TEX14: variants seen among roughly 807,000 people sequenced by gnomAD.
The protein encoded by TEX14 is testis expressed 14, intercellular bridge forming factor, also known as inactive serine/threonine-protein kinase TEX14.
In TEX14, 168 loss-of-function variants were observed where a neutral mutation model predicts 178.6. The observed-to-expected ratio is 0.94, with a 90% CI of 0.83 to 1.07. The LOEUF is 1.07. Ranked by LOEUF, TEX14 falls within the 50% of genes least tolerant of loss-of-function variation. The pLI, the probability that TEX14 is intolerant of heterozygous loss-of-function variation, is 0.00. For missense variants in TEX14, 1,730 were observed against 1,753.6 expected (o/e 0.99, Z 0.24); for synonymous variants, 626 against 634.1 (o/e 0.99, Z 0.19).
chr17:58,592,784 C>T (rs2045186843), intron 15 of TEX14, among the ~76,000 whole-genome samples: 1 of 152,136 alleles, frequency 6.6e-6, no homozygotes, highest in South Asian at 2.1e-4. Flanking sequence ...AGTGATCCGC[C>T]CACCTTGGCC....
chr17:58,682,663 C>G (rs2047520155), intron 1 of TEX14, among the ~76,000 whole-genome samples: 1 of 152,188 alleles, frequency 6.6e-6, no homozygotes, highest in African/African-American at 2.4e-5. Context: ...CGTGAGCCAC[C>G]ATGCCCGGCT....
chr17:58,639,947 A>G (rs2046535142), intron 2 of TEX14, among the ~76,000 whole-genome samples: 1 of 152,156 alleles, frequency 6.6e-6, no homozygotes, highest in African/African-American at 2.4e-5. Context: ...AATTTTTAAG[A>G]TAAAGATGTT....
intron 2 of TEX14, among the ~76,000 whole-genome samples, chr17:58,635,683 G>A (rs1323367889): frequency 6.6e-6 from 1 of 151,924 alleles, no homozygotes; most frequent in Non-Finnish European, 1.5e-5. Context: ...ACCTGCCTCG[G>A]CCTCCAAAAG....
At chr17:58,664,901 G>A (rs2143411342) in intron 1 of TEX14, among the ~76,000 whole-genome samples, 1 of 152,296 alleles carries the variant, frequency 6.6e-6, no homozygotes, top group East Asian at 1.9e-4. Context: ...CCTGGGTTCA[G>A]TGGCACTGAG....
intron 3 of TEX14, among the ~76,000 whole-genome samples, chr17:58,627,913 CTTT>C (rs1172697593): frequency 1.3e-5 from 1 of 75,688 alleles, no homozygotes; most frequent in Admixed American, 1.7e-4. Flanking sequence ...CCCATGCCAC[CTTT>C]TTTTTTTTTT....
At position 58,557,863 on chromosome 17, in the gene TEX14, T is replaced by C. The variant is rs748152856; in HGVS notation, c.4268-13A>G. The stretch of plus-strand genomic sequence containing the variant: ...GATTTTAGTTCATCTTGATGAAATA[T>C]AAGAGGAAGGAAAAAACAACATGAT... On this transcript the variant is annotated splice_polypyrimidine_tract_variant and intron_variant, in intron 30 of 31. Coordinates refer to ENST00000349033, the MANE Select transcript of TEX14 (RefSeq NM_031272.5). The C allele has an allele frequency of 3.1e-6, 5 of 1,607,154 alleles. No individual in the cohort carries two copies. Among genetic ancestry groups the C allele is most frequent in the South Asian group, 1.1e-5 (1 of 90,274 alleles).
chr17:58,611,200 C>T lies in TEX14; in HGVS notation c.1145G>A (p.Gly382Asp). 6.2e-7 allele frequency: 1 copy of T among 1,614,090 alleles called. No homozygotes were observed. The highest frequency in any genetic ancestry group is 8.5e-7 in the Non-Finnish European group (1 of 1,179,976). The change falls in exon 10 of 32, where the codon GGT becomes GAT. Residue 382 changes from glycine to aspartate, a missense_variant. Gly to Asp is a moderately conservative substitution (Grantham distance 94). This residue lies in a region of TEX14 where 789 missense variants were observed against 681.2 expected (regional missense o/e 1.16). Coordinates refer to ENST00000349033, the MANE Select transcript of TEX14 (RefSeq NM_031272.5). ...SSYAVHIISP[G>D]EARLTNLEYM... ...CTCCAGGTTGGTCAGCCTCGCTTCA[C>T]CTGGGGAGATGATATGGACAGCATA...
intron 1 of TEX14, among the ~76,000 whole-genome samples, chr17:58,659,077 C>G (rs1033944742): frequency 1.8e-5 from 2 of 113,106 alleles, no homozygotes; most frequent in Non-Finnish European, 3.4e-5. Flanking sequence ...CAAACGCGCG[C>G]CACTACAACA....
intron 19 of TEX14, among the ~76,000 whole-genome samples, chr17:58,584,291 T>C (rs937848444): frequency 6.6e-6 from 1 of 152,236 alleles, no homozygotes; most frequent in Non-Finnish European, 1.5e-5. Flanking sequence ...ATCTCCAGGA[T>C]ACACAATTCA....
chr17:58,610,602 AG>A (rs2045720505), intron 10 of TEX14, among the ~76,000 whole-genome samples: 1 of 152,156 alleles, frequency 6.6e-6, no homozygotes, highest in Non-Finnish European at 1.5e-5. Context: ...AGCTGCTCAA[AG>A]GGCCAGGCGC....
intron 3 of TEX14, 72 bp downstream of exon 3, chr17:58,630,368 A>C (rs2046258935): frequency 1.6e-6 from 2 of 1,220,896 alleles, no homozygotes; most frequent in African/African-American, 1.5e-5. Flanking sequence ...ACGTTTTTCT[A>C]ATTAGTTTCT....
intron 1 of TEX14, among the ~76,000 whole-genome samples, chr17:58,659,651 C>CT (rs1474800528): frequency 1.1e-4 from 16 of 152,018 alleles, no homozygotes; most frequent in Non-Finnish European, 2.4e-4. Context: ...AATTTTTTTT[C>CT]TTTTTTCTGC....
rs918207148 is a variant in TEX14 at position 58,602,010 on chromosome 17, C to T, written c.1528-54G>A. The T allele has an allele frequency of 7.6e-6, 12 of 1,587,190 alleles. No individual in the cohort carries two copies. The African/African-American group carries it at 8.1e-5, about 11-fold the overall frequency. On this transcript the variant is annotated intron_variant, in intron 12 of 31. Coordinates refer to ENST00000349033, the MANE Select transcript of TEX14 (RefSeq NM_031272.5). ...ATAGTCTCAGTCATCCTGAATGTCA[C>T]TGGTGCTTTAGAAACCATCTAAGTA...
intron 1 of TEX14, among the ~76,000 whole-genome samples, chr17:58,662,401 A>C (rs2047130159): frequency 7.1e-6 from 1 of 140,214 alleles, no homozygotes; most frequent in African/African-American, 2.6e-5. Context: ...GTACAGATAT[A>C]TAGCACACAT....
At chr17:58,633,023 T>G (rs1477702418) in intron 2 of TEX14, among the ~76,000 whole-genome samples, 1 of 152,306 alleles carries the variant, frequency 6.6e-6, no homozygotes, top group Non-Finnish European at 1.5e-5. Flanking sequence ...TAAAAGGCCC[T>G]GTATGGTCTG....
chr17:58,574,855 A>G (rs1305024008), intron 21 of TEX14, among the ~76,000 whole-genome samples: 1 of 152,020 alleles, frequency 6.6e-6, no homozygotes, highest in Admixed American at 6.6e-5. Flanking sequence ...TCATGAGAAA[A>G]TCAACAGAGC....
At chr17:58,656,314 G>A (rs189316812) in intron 1 of TEX14, among the ~76,000 whole-genome samples, 30 of 152,200 alleles carry the variant, frequency 2.0e-4, no homozygotes, top group Admixed American at 7.9e-4. Flanking sequence ...ATGTGGTGGC[G>A]GGCGCCTGTA....
intron 1 of TEX14, among the ~76,000 whole-genome samples, chr17:58,681,626 G>A (rs2047502365): frequency 1.3e-5 from 2 of 152,080 alleles, no homozygotes; most frequent in South Asian, 4.1e-4. Context: ...GAGGCAGGTG[G>A]ATCATTTGAG....
At chr17:58,646,923 T>A (rs2046722112) in intron 2 of TEX14, among the ~76,000 whole-genome samples, 2 of 151,534 alleles carry the variant, frequency 1.3e-5, no homozygotes, top group South Asian at 4.2e-4. Flanking sequence ...TTTTTTTTTT[T>A]AGACAGAGTT....
Sources: allele counts gnomAD v4.1 joint callset (sites outside exome capture counted in the v4.1 genomes callset), GRCh38; gene constraint gnomAD v4.1.1; regional missense constraint gnomAD v4.1.1; transcripts MANE v1.5; gene names NCBI Gene and HGNC (gene_info 2026-07-23, HGNC 2026-07-21).